GPATCH2: variants seen among roughly 807,000 people sequenced by gnomAD.
GPATCH2 encodes G patch domain-containing protein 2.
Under a neutral mutation model 58.0 loss-of-function variants are expected in GPATCH2, and 51 were observed. That is an observed-to-expected ratio of 0.88 (90% CI 0.70 to 1.11). The LOEUF (loss-of-function observed/expected upper bound fraction) is 1.11. Ranked by LOEUF, GPATCH2 falls within the 50% of genes most tolerant of loss-of-function variation. The pLI, the probability that GPATCH2 is intolerant of heterozygous loss-of-function variation, is 0.00. For synonymous variants in GPATCH2, 222 were observed against 218.5 expected (o/e 1.02, Z -0.14); for missense variants, 625 against 652.2 (o/e 0.96, Z 0.45).
At position 217,620,592 on chromosome 1, in the gene GPATCH2, A is replaced by C. The variant is rs1476068575; in HGVS notation, c.57-93T>G. The C allele has an allele frequency of 5.5e-6, 4 of 724,318 alleles. No individual in the cohort carries two copies. In the African/African-American group the frequency reaches 7.6e-5, roughly 14 times the overall value. 44.9% of individuals were successfully genotyped at this position (724,318 alleles called of 1,614,324 possible). ...CAGACAATTCATTCTAAATTCGACA[A>C]AAATTAATGATTACAAAATGTTTCA... On this transcript the variant is annotated intron_variant, in intron 1 of 9. Coordinates refer to ENST00000366935, the MANE Select transcript of GPATCH2 (RefSeq NM_018040.5).
At chr1:217,589,256 C>T (rs1667481886) in intron 5 of GPATCH2, among the ~76,000 whole-genome samples, 1 of 150,356 alleles carries the variant, frequency 6.7e-6, no homozygotes, top group African/African-American at 2.4e-5. Flanking sequence ...GCCCGCCCAT[C>T]CCTCCCTTTT....
chr1:217,507,813 C>T (rs544531870), intron 6 of GPATCH2, among the ~76,000 whole-genome samples: 1 of 152,156 alleles, frequency 6.6e-6, no homozygotes, highest in South Asian at 2.1e-4. Context: ...ATACATTTGT[C>T]TTTTTAATTG....
chr1:217,591,461 T>C (rs1311834399), intron 5 of GPATCH2, among the ~76,000 whole-genome samples: 2 of 152,098 alleles, frequency 1.3e-5, no homozygotes, highest in Admixed American at 6.5e-5. Flanking sequence ...CTAGAAAGAT[T>C]AGCAAGACAG....
chr1:217,523,521 A>C lies in GPATCH2; in HGVS notation c.1099-8632T>G, dbSNP rs1256251601. Among the ~76,000 whole-genome samples, 4 of 151,742 alleles carry C rather than the reference A, an allele frequency of 2.6e-5. No homozygotes were observed. The Middle Eastern group carries it at 0.01, about 387-fold the overall frequency. On this transcript the variant is annotated intron_variant, in intron 5 of 9. Transcript: ENST00000366935. ...TCACAGATCAACAGGATCCCAAGGC[A>C]GAAGAATTTTTCTTAGTACAGAACA... is the stretch of plus-strand genomic sequence containing the variant.
intron 5 of GPATCH2, among the ~76,000 whole-genome samples, chr1:217,567,121 A>G (rs1666286578): frequency 1.4e-5 from 2 of 144,540 alleles, no homozygotes; most frequent in Non-Finnish European, 3.0e-5. Context: ...ATCTTGGCTC[A>G]CTGCAACCTC....
At chr1:217,494,109 G>A (rs544743911) in intron 7 of GPATCH2, among the ~76,000 whole-genome samples, 39 of 152,288 alleles carry the variant, frequency 2.6e-4, no homozygotes, top group Middle Eastern at 3.4e-3. Context: ...CTCTCTGAAC[G>A]TTGATGTTAT....
chr1:217,516,636 A>G (rs1422625876), intron 5 of GPATCH2, among the ~76,000 whole-genome samples: 5 of 152,202 alleles, frequency 3.3e-5, no homozygotes, highest in Non-Finnish European at 5.9e-5. Flanking sequence ...TGATCACATT[A>G]TCTCATGGTG....
intron 8 of GPATCH2, among the ~76,000 whole-genome samples, chr1:217,479,925 C>T (rs543510483): frequency 1.7e-4 from 26 of 151,846 alleles, no homozygotes; most frequent in African/African-American, 4.4e-4. Context: ...AAGAAGATTA[C>T]GTAATGATAA....
intron 5 of GPATCH2, among the ~76,000 whole-genome samples, chr1:217,569,008 T>C (rs529151624): frequency 1.3e-5 from 2 of 152,072 alleles, no homozygotes; most frequent in Non-Finnish European, 2.9e-5. Flanking sequence ...GATTTACTAA[T>C]GAATTAAAAT....
chr1:217,514,103 A>C (rs1409562537), intron 6 of GPATCH2, among the ~76,000 whole-genome samples: 1 of 146,842 alleles, frequency 6.8e-6, no homozygotes, highest in African/African-American at 2.5e-5. Flanking sequence ...CTGGGATTAC[A>C]ACTGTGAGCC....
intron 8 of GPATCH2, among the ~76,000 whole-genome samples, chr1:217,486,706 A>T (rs1661468580): frequency 6.6e-6 from 1 of 152,196 alleles, no homozygotes; most frequent in African/African-American, 2.4e-5. Context: ...AGGCAATGGC[A>T]TGTGGAAAGC....
intron 2 of GPATCH2, among the ~76,000 whole-genome samples, chr1:217,618,713 C>T (rs1669021587): frequency 6.6e-6 from 1 of 152,020 alleles, no homozygotes; most frequent in African/African-American, 2.4e-5. Flanking sequence ...ATGATCCCAG[C>T]CCTTGGGAGG....
In GPATCH2 at chr1:217,514,862, T is replaced by C; in HGVS notation, c.1126A>G (p.Lys376Glu). ...MVPIPGPVGN[K>E]RMVHFSPDSH... ...TCCGGGGAAAAATGAACCATTCTCTTGTTACCCACTGGGCCAGGAATGGGT... is the reference window on the plus strand; with the variant it reads ...TCCGGGGAAAAATGAACCATTCTCTCGTTACCCACTGGGCCAGGAATGGGT... Residue 376 changes from lysine (K) to glutamate (E), a missense_variant, in exon 6 of 10, where the codon AAG (lysine) becomes GAG (glutamate). Lys to Glu is a moderately conservative substitution (Grantham distance 56). Coordinates refer to ENST00000366935, the MANE Select transcript of GPATCH2 (RefSeq NM_018040.5). The C allele has an allele frequency of 6.5e-7, 1 of 1,534,502 alleles. No homozygotes were observed. Among genetic ancestry groups the C allele is most frequent in the South Asian group, 1.1e-5 (1 of 89,276 alleles).
intron 7 of GPATCH2, among the ~76,000 whole-genome samples, chr1:217,492,907 C>T (rs577881526): frequency 1.3e-5 from 2 of 152,220 alleles, no homozygotes; most frequent in South Asian, 2.1e-4. Context: ...TTTCTAATGA[C>T]GAATAACTGC....
chr1:217,562,462 T>C (rs941851146), intron 5 of GPATCH2, among the ~76,000 whole-genome samples: 10 of 152,222 alleles, frequency 6.6e-5, no homozygotes, highest in African/African-American at 2.4e-4. Flanking sequence ...TGGAACACAG[T>C]TGGAAAACTA....
chr1:217,619,798 T>C lies in GPATCH2; in HGVS notation c.758A>G (p.Glu253Gly). 6.4e-7 allele frequency: 1 copy of C among 1,562,082 alleles called. No individual in the cohort carries two copies. The highest frequency in any genetic ancestry group is 1.4e-5 in the African/African-American group (1 of 73,120). ...MECEEQKVSD[E>G]LMSESDSSSL... ...TAAAAGTCACCTTTCACTCATGAGC[T>C]CATCTGAGACTTTTTGCTCTTCACA... The change falls in exon 2 of 10, where the codon GAG becomes GGG. Residue 253 changes from glutamate (E) to glycine (G), a missense_variant. Coordinates refer to ENST00000366935, the MANE Select transcript of GPATCH2 (RefSeq NM_018040.5).
intron 5 of GPATCH2, among the ~76,000 whole-genome samples, chr1:217,517,963 T>C (rs912859048): frequency 6.6e-6 from 1 of 152,128 alleles, no homozygotes; most frequent in African/African-American, 2.4e-5. Flanking sequence ...AGACAATCAT[T>C]TATGTAATTA....
intron 3 of GPATCH2, among the ~76,000 whole-genome samples, chr1:217,613,724 A>C (rs1229998913): frequency 6.6e-6 from 1 of 152,172 alleles, no homozygotes; most frequent in African/African-American, 2.4e-5. Context: ...AACTGGATAG[A>C]ATGAATAAAT....
intron 5 of GPATCH2, among the ~76,000 whole-genome samples, chr1:217,548,634 T>C (rs1665194285): frequency 1.3e-5 from 2 of 152,192 alleles, no homozygotes; most frequent in Non-Finnish European, 2.9e-5. Context: ...CCAAATCTCA[T>C]CTTGTAGTTC....
Sources: gnomAD v4.1 joint callset for allele counts (sites outside exome capture counted in the v4.1 genomes callset) on GRCh38, gnomAD v4.1.1 for gene constraint, MANE v1.5 for transcripts, NCBI Gene and HGNC (gene_info 2026-07-23, HGNC 2026-07-21) for gene names.